Variants in C8orf34 observed in about 807,000 individuals in gnomAD.
C8orf34 encodes uncharacterized protein C8orf34.
Under a neutral mutation model 68.3 loss-of-function variants are expected in C8orf34, and 65 were observed. That is an observed-to-expected ratio of 0.95 (90% CI 0.78 to 1.17). The LOEUF is 1.17. Among genes scored for constraint, C8orf34 ranks in the 50% most tolerant of loss-of-function variants. C8orf34 has a pLI of 0.00. For synonymous variants in C8orf34, 244 were observed against 241.2 expected, an observed-to-expected ratio of 1.01 and a Z score of -0.11; for missense variants, 664 against 655.4, an observed-to-expected ratio of 1.01 and a Z score of -0.14.
At chr8:68,624,874 C>CCTG (rs1336771307) in intron 7 of C8orf34, among the ~76,000 whole-genome samples, 2 of 151,386 alleles carry the variant, frequency 1.3e-5, no homozygotes, top group African/African-American at 4.9e-5. Flanking sequence ...TAGTGGGGAC[C>CCTG]ACAGGCATGT....
chr8:68,755,076 A>T (rs1256616319), intron 10 of C8orf34, among the ~76,000 whole-genome samples: 1 of 152,228 alleles, frequency 6.6e-6, no homozygotes, highest in African/African-American at 2.4e-5. Flanking sequence ...TGATGAAATA[A>T]TGTGTCCTAT....
At chr8:68,771,708 G>A (rs1471526009) in intron 10 of C8orf34, among the ~76,000 whole-genome samples, 1 of 151,546 alleles carries the variant, frequency 6.6e-6, no homozygotes, top group Non-Finnish European at 1.5e-5. Flanking sequence ...TTTCCACTTC[G>A]TCTCCTTCAT....
intron 5 of C8orf34, among the ~76,000 whole-genome samples, chr8:68,506,726 C>T (rs961935180): frequency 3.3e-5 from 5 of 152,150 alleles, no homozygotes; most frequent in Admixed American, 6.5e-5. Context: ...GTGGTATTGA[C>T]GCTTTGTTTT....
Position 68,641,899 on chromosome 8 carries a change from G to A in C8orf34, c.1241+1388G>A, listed in dbSNP as rs543355177. On this transcript the variant is annotated intron_variant, in intron 8 of 13. Transcript: ENST00000518698. The stretch of plus-strand genomic sequence containing the variant: ...AGAATTTTTCAAAAAATATTCAACG[G>A]AATAATCATTGGTGGCATGTATTAC... Among the ~76,000 whole-genome samples the A allele has an allele frequency of 2.6e-5, 4 of 152,208 alleles. No homozygotes were observed. The East Asian group carries it at 5.8e-4, about 22-fold the overall frequency.
intron 7 of C8orf34, among the ~76,000 whole-genome samples, chr8:68,601,299 T>C (rs1407221859): frequency 6.6e-6 from 1 of 152,160 alleles, no homozygotes; most frequent in Non-Finnish European, 1.5e-5. Context: ...TTCTCAAGCA[T>C]TATTTCTTCA....
intron 10 of C8orf34, among the ~76,000 whole-genome samples, chr8:68,737,634 G>A (rs946150900): frequency 5.3e-5 from 8 of 151,436 alleles, no homozygotes; most frequent in Non-Finnish European, 7.4e-5. Context: ...ACTTTCAGAC[G>A]AAACAAACTT....
intron 11 of C8orf34, among the ~76,000 whole-genome samples, chr8:68,782,692 T>G (rs564361191): frequency 5.9e-5 from 9 of 152,202 alleles, no homozygotes; most frequent in African/African-American, 1.7e-4. Flanking sequence ...AGTTTAAGTT[T>G]TAATCCAATT....
chr8:68,570,589 G>A lies in C8orf34; in HGVS notation c.1105+37440G>A, dbSNP rs117800581. On this transcript the variant is annotated intron_variant, in intron 7 of 13. Transcript: ENST00000518698. ...CTTGAAATGTACTTGGCCTAGTATC[G>A]TTGGCACAAATTTCAAAACTAGTAC... Among the ~76,000 whole-genome samples, 881 of 152,168 alleles carry A rather than the reference G, an allele frequency of 5.8e-3. 5 individuals are homozygous for A. Among genetic ancestry groups the A allele is most frequent in the Non-Finnish European group, 0.01 (702 of 68,008 alleles).
At chr8:68,526,755 T>C (rs1199455250) in intron 6 of C8orf34, among the ~76,000 whole-genome samples, 1 of 149,862 alleles carries the variant, frequency 6.7e-6, no homozygotes, top group Non-Finnish European at 1.5e-5. Flanking sequence ...GCTTAGGAGA[T>C]AGTCCAAGAA....
chr8:68,580,620 T>C (rs1817035890), intron 7 of C8orf34, among the ~76,000 whole-genome samples: 1 of 152,150 alleles, frequency 6.6e-6, no homozygotes, highest in Non-Finnish European at 1.5e-5. Flanking sequence ...TAGAAAATTC[T>C]AGTTGTTAGC....
intron 2 of C8orf34, among the ~76,000 whole-genome samples, chr8:68,445,456 A>G (rs1568135): frequency 0.66 from 99,824 of 152,070 alleles, 32,989 homozygotes; most frequent in African/African-American, 0.73. Context: ...ATTGTTCTGT[A>G]TAAAAACATG....
At chr8:68,502,189 C>G (rs1170158498) in intron 5 of C8orf34, among the ~76,000 whole-genome samples, 1 of 152,216 alleles carries the variant, frequency 6.6e-6, no homozygotes, top group African/African-American at 2.4e-5. Flanking sequence ...CTTCAGCCTC[C>G]TGAATAGCTG....
chr8:68,786,196 G>A (rs1208242648), intron 11 of C8orf34, among the ~76,000 whole-genome samples: 2 of 152,162 alleles, frequency 1.3e-5, no homozygotes, highest in African/African-American at 2.4e-5. Context: ...TTCCAAATAT[G>A]TTTGAAAACA....
chr8:68,336,527 G>T (rs774360673), intron 1 of C8orf34, among the ~76,000 whole-genome samples: 1 of 152,116 alleles, frequency 6.6e-6, no homozygotes, highest in African/African-American at 2.4e-5. Flanking sequence ...GGAGGTGTTG[G>T]TGTGATCTCA....
intron 1 of C8orf34, among the ~76,000 whole-genome samples, chr8:68,419,569 G>C (rs898758107): frequency 6.6e-6 from 1 of 151,616 alleles, no homozygotes; most frequent in Admixed American, 6.6e-5. Flanking sequence ...CAAAGACTTG[G>C]AACCAACCCA....
chr8:68,460,081 C>T (rs1811731984), intron 3 of C8orf34, among the ~76,000 whole-genome samples: 1 of 152,176 alleles, frequency 6.6e-6, no homozygotes, highest in Admixed American at 6.5e-5. Context: ...CGGGTCACTC[C>T]CACCCTAATA....
chr8:68,643,660 G>A (rs1165480120), intron 8 of C8orf34, among the ~76,000 whole-genome samples: 2 of 151,926 alleles, frequency 1.3e-5, no homozygotes, highest in African/African-American at 4.8e-5. Context: ...TTTTTTATAA[G>A]GGCACTAATT....
intron 10 of C8orf34, among the ~76,000 whole-genome samples, chr8:68,724,811 A>G (rs1284552930): frequency 6.6e-6 from 1 of 152,216 alleles, no homozygotes; most frequent in African/African-American, 2.4e-5. Context: ...TCAATGATTG[A>G]TGAACACTTA....
intron 10 of C8orf34, among the ~76,000 whole-genome samples, chr8:68,771,009 T>C (rs1292348375): frequency 6.6e-6 from 1 of 152,228 alleles, no homozygotes; most frequent in South Asian, 2.1e-4. Context: ...TCCAGAGAAA[T>C]GTGGTCTGCA....
Sources: allele counts gnomAD v4.1 joint callset (sites outside exome capture counted in the v4.1 genomes callset), GRCh38; gene constraint gnomAD v4.1.1; transcripts MANE v1.5; gene names NCBI Gene and HGNC (gene_info 2026-07-23, HGNC 2026-07-21).